The following RXFP1 variants were observed in gnomAD, a reference collection of about 807,000 sequenced individuals.
The protein encoded by RXFP1 is relaxin family peptide receptor 1, also known as relaxin receptor 1.
RXFP1 carries 73 observed loss-of-function variants against 89.8 expected under a neutral mutation model. The observed-to-expected ratio is 0.81, with a 90% CI of 0.67 to 0.99. The LOEUF is 0.99. RXFP1 is among the 50% of genes least tolerant of loss of function. The probability of loss-of-function intolerance (pLI) is 0.00; values close to 1 mark genes in which losing one functional copy is unlikely to be tolerated. For missense variants in RXFP1, 793 were observed against 895.5 expected (o/e 0.89, Z 1.46); for synonymous variants, 277 against 305.5 (o/e 0.91, Z 0.97).
intron 1 of RXFP1, among the ~76,000 whole-genome samples, chr4:158,544,853 G>A (rs568544825): frequency 1.3e-5 from 2 of 152,140 alleles, no homozygotes; most frequent in Admixed American, 6.5e-5. Context: ...ATCATTGATG[G>A]ACATTTGGGT....
Position 158,652,597 on chromosome 4 carries a change from A to G in RXFP1, c.*542A>G, listed in dbSNP as rs1373190686. On this transcript the variant is annotated 3_prime_UTR_variant, in exon 18 of 18. Coordinates refer to ENST00000307765, the MANE Select transcript of RXFP1 (RefSeq NM_021634.4). The stretch of plus-strand genomic sequence containing the variant: ...AAATAATATTCTGTTTTAAGAATCC[A>G]TCTTACCTCTCTTTAAGTTTCCATA... 6.6e-6 allele frequency: 1 copy of G among 152,242 alleles called. No homozygotes were observed. The highest frequency in any genetic ancestry group is 6.5e-5 in the Admixed American group (1 of 15,282). The allele number at this position is 152,242 out of a possible 1,614,324, so 9.4% of individuals were successfully genotyped here.
intron 1 of RXFP1, among the ~76,000 whole-genome samples, chr4:158,560,890 G>A (rs937301331): frequency 6.6e-6 from 1 of 152,160 alleles, no homozygotes; most frequent in South Asian, 2.1e-4. Context: ...CGGCCAGCTG[G>A]GAAAGAAAGT....
intron 8 of RXFP1, 111 bp downstream of exon 8, chr4:158,612,473 C>T (rs556217998): frequency 4.1e-5 from 29 of 712,964 alleles, no homozygotes; most frequent in South Asian, 3.9e-4. Flanking sequence ...CCAAAGAGGC[C>T]TTTTCAATGA....
chr4:158,576,465 A>C (rs1756222304), intron 2 of RXFP1, among the ~76,000 whole-genome samples: 1 of 151,978 alleles, frequency 6.6e-6, no homozygotes, highest in South Asian at 2.1e-4. Context: ...AGAAATGAAA[A>C]TTCTCAGGCT....
At chr4:158,550,516 G>A (rs1330999432) in intron 1 of RXFP1, among the ~76,000 whole-genome samples, 2 of 152,210 alleles carry the variant, frequency 1.3e-5, no homozygotes, top group African/African-American at 4.8e-5. Context: ...AGATGGAAAT[G>A]CAGAAATCAC....
intron 5 of RXFP1, chr4:158,607,197 C>T: frequency 1.7e-6 from 2 of 1,181,840 alleles, no homozygotes; most frequent in Non-Finnish European, 2.4e-6. Context: ...TACTCTGGTA[C>T]CCATTTCCTT....
chr4:158,637,958 A>G (rs1025805553), intron 12 of RXFP1, 50 bp from the exon 13 acceptor site: 3 of 1,096,748 alleles, frequency 2.7e-6, no homozygotes, highest in Non-Finnish European at 4.2e-6. Context: ...CACTCGCTTT[A>G]CTCATGTAGT....
At chr4:158,571,447 A>G (rs983021327) in intron 1 of RXFP1, among the ~76,000 whole-genome samples, 1 of 152,194 alleles carries the variant, frequency 6.6e-6, no homozygotes, top group Non-Finnish European at 1.5e-5. Flanking sequence ...TGGGCGGATC[A>G]CCTGAGGTCA....
At chr4:158,535,175 G>A (rs1007297538) in intron 1 of RXFP1, among the ~76,000 whole-genome samples, 3 of 152,020 alleles carry the variant, frequency 2.0e-5, no homozygotes, top group Non-Finnish European at 4.4e-5. Context: ...ATGGAGACAG[G>A]AAAGGACATG....
intron 10 of RXFP1, among the ~76,000 whole-genome samples, chr4:158,627,332 T>C (rs143997515): frequency 7.0e-4 from 107 of 152,324 alleles, no homozygotes; most frequent in African/African-American, 2.5e-3. Context: ...CAGCTTATTT[T>C]ACCAGAATGT....
chr4:158,580,477 C>T (rs992474565), intron 2 of RXFP1, among the ~76,000 whole-genome samples: 5 of 152,166 alleles, frequency 3.3e-5, no homozygotes, highest in Non-Finnish European at 5.9e-5. Flanking sequence ...TCCCTCCCTG[C>T]CTCCCACTTC....
At chr4:158,624,820 C>T (rs891972874) in intron 9 of RXFP1, among the ~76,000 whole-genome samples, 4 of 151,808 alleles carry the variant, frequency 2.6e-5, no homozygotes, top group Non-Finnish European at 4.4e-5. Context: ...CAAATGTGAC[C>T]CCAAATGTTT....
intron 1 of RXFP1, among the ~76,000 whole-genome samples, chr4:158,541,407 C>T (rs1263902516): frequency 6.9e-6 from 1 of 144,084 alleles, no homozygotes; most frequent in African/African-American, 2.6e-5. Flanking sequence ...TTCATATTTA[C>T]TCAAAAACTG....
chr4:158,647,326 C>T (rs1473411049), intron 16 of RXFP1, 125 bp downstream of exon 16: 3 of 740,442 alleles, frequency 4.1e-6, no homozygotes, highest in Non-Finnish European at 6.3e-6. Flanking sequence ...CCAAATTATA[C>T]TCTGATATAA....
intron 5 of RXFP1, among the ~76,000 whole-genome samples, chr4:158,606,421 C>T (rs894741209): frequency 6.6e-6 from 1 of 152,104 alleles, no homozygotes; most frequent in African/African-American, 2.4e-5. Context: ...TTAAAAATTT[C>T]TAATTGGTTA....
intron 1 of RXFP1, among the ~76,000 whole-genome samples, chr4:158,546,059 A>G (rs1363586618): frequency 6.6e-6 from 1 of 151,996 alleles, no homozygotes; most frequent in Non-Finnish European, 1.5e-5. Flanking sequence ...CATTTTCACG[A>G]TATTGATTCT....
intron 1 of RXFP1, among the ~76,000 whole-genome samples, chr4:158,556,224 C>CAAAAAAAAAAAAAAAAAAAAAAAA (rs11337872): frequency 3.8e-5 from 5 of 132,480 alleles, no homozygotes; most frequent in African/African-American, 8.3e-5. Context: ...AACTTAACAG[C>CAAAAAAAAAAAAAAAAAAAAAAAA]AAAAAAAAAA....
At chr4:158,646,452 A>T in intron 15 of RXFP1, 1 of 1,248,388 alleles carries the variant, frequency 8.0e-7, no homozygotes, top group Non-Finnish European at 1.0e-6. Flanking sequence ...CCCTAACTGA[A>T]TGCTCTACGT....
At chr4:158,632,902 T>A (rs1228930157) in intron 11 of RXFP1, among the ~76,000 whole-genome samples, 1 of 152,206 alleles carries the variant, frequency 6.6e-6, no homozygotes, top group African/African-American at 2.4e-5. Context: ...CCAGGTGCAG[T>A]GGCTCACGCC....
Sources: allele counts gnomAD v4.1 joint callset (sites outside exome capture counted in the v4.1 genomes callset), GRCh38; gene constraint gnomAD v4.1.1; transcripts MANE v1.5; gene names NCBI Gene and HGNC (gene_info 2026-07-23, HGNC 2026-07-21).